The following CFAP61 variants were observed in gnomAD, a reference collection of about 807,000 sequenced individuals.
CFAP61 encodes cilia and flagella associated protein 61.
Under a neutral mutation model 135.6 loss-of-function variants are expected in CFAP61, and 107 were observed. The ratio of observed to expected loss-of-function variants is 0.79; its 90% confidence interval spans 0.67 to 0.93. The LOEUF (loss-of-function observed/expected upper bound fraction) is 0.93, where lower values mean the gene tolerates loss of function less well. Ranked by LOEUF, CFAP61 falls within the 40% of genes least tolerant of loss-of-function variation. The pLI, the probability that CFAP61 is intolerant of heterozygous loss-of-function variation, is 0.00. For missense variants in CFAP61, 1,507 were observed against 1,556.2 expected, an observed-to-expected ratio of 0.97 and a Z score of 0.53; for synonymous variants, 575 against 578.5, an observed-to-expected ratio of 0.99 and a Z score of 0.09.
At chr20:20,134,673 G>A (rs367728493) in intron 8 of CFAP61, among the ~76,000 whole-genome samples, 5 of 152,298 alleles carry the variant, frequency 3.3e-5, no homozygotes, top group African/African-American at 1.2e-4. Context: ...ATATTTTATT[G>A]GATATGGGGA....
chr20:20,338,524 A>G (rs1200946113), intron 25 of CFAP61, among the ~76,000 whole-genome samples: 2 of 152,200 alleles, frequency 1.3e-5, no homozygotes, highest in East Asian at 3.8e-4. Context: ...CCTGGTGCAT[A>G]GTTGAGCGCG....
chr20:20,196,965 T>C (rs576052043), intron 16 of CFAP61, among the ~76,000 whole-genome samples, 189 bp downstream of exon 16: 44 of 152,368 alleles, frequency 2.9e-4, no homozygotes, highest in African/African-American at 1.1e-3. Context: ...TTCGAATTTC[T>C]GACACAATCA....
intron 2 of CFAP61, among the ~76,000 whole-genome samples, chr20:20,061,996 G>A (rs1192093770): frequency 6.6e-6 from 1 of 152,162 alleles, no homozygotes; most frequent in East Asian, 1.9e-4. Context: ...TCGAGCCTTT[G>A]CTGGGAGCTT....
At chr20:20,054,044 GTATTATCCTTCTTAC>G (rs1555826099) in intron 1 of CFAP61, among the ~76,000 whole-genome samples, 1 of 93,688 alleles carries the variant, frequency 1.1e-5, no homozygotes, top group Non-Finnish European at 2.1e-5. Flanking sequence ...TAGGAAAAAT[GTATTATCCTTCTTAC>G]TTTTTGCCAT....
At chr20:20,307,925 C>T (rs2056577970) in intron 25 of CFAP61, among the ~76,000 whole-genome samples, 1 of 152,116 alleles carries the variant, frequency 6.6e-6, no homozygotes, top group South Asian at 2.1e-4. Flanking sequence ...CCCAAAGCAG[C>T]CAAATACATT....
intron 6 of CFAP61, among the ~76,000 whole-genome samples, chr20:20,085,729 G>T (rs982736428): frequency 5.9e-5 from 9 of 152,140 alleles, no homozygotes; most frequent in Non-Finnish European, 8.8e-5. Flanking sequence ...TAAATGATTA[G>T]GTTATTGAAT....
At chr20:20,350,764 T>C (rs1373562725) in intron 26 of CFAP61, among the ~76,000 whole-genome samples, 2 of 152,178 alleles carry the variant, frequency 1.3e-5, no homozygotes, top group East Asian at 3.8e-4. Flanking sequence ...AACATATCAA[T>C]GGATAAACAA....
chr20:20,343,919 T>A (rs558793912), intron 26 of CFAP61, among the ~76,000 whole-genome samples: 11 of 152,308 alleles, frequency 7.2e-5, no homozygotes, highest in African/African-American at 2.2e-4. Flanking sequence ...TGGACCCATT[T>A]ATGAACTCAG....
At chr20:20,349,244 G>A (rs1195309368) in intron 26 of CFAP61, among the ~76,000 whole-genome samples, 1 of 152,182 alleles carries the variant, frequency 6.6e-6, no homozygotes, top group East Asian at 1.9e-4. Flanking sequence ...ATAAAGAAAA[G>A]AGATTTGGCT....
intron 18 of CFAP61, among the ~76,000 whole-genome samples, chr20:20,242,091 G>A (rs901696720): frequency 6.6e-6 from 1 of 152,192 alleles, no homozygotes; most frequent in East Asian, 1.9e-4. Flanking sequence ...TTTCTGGCCT[G>A]CGCCATCACC....
At chr20:20,211,641 AC>A (rs1180281284) in intron 17 of CFAP61, among the ~76,000 whole-genome samples, 1 of 152,216 alleles carries the variant, frequency 6.6e-6, no homozygotes, top group Non-Finnish European at 1.5e-5. Context: ...GTCCGTCGAA[AC>A]CCATGGCAAT....
intron 13 of CFAP61, among the ~76,000 whole-genome samples, chr20:20,176,796 C>T (rs949842177): frequency 6.6e-6 from 1 of 152,034 alleles, no homozygotes; most frequent in Non-Finnish European, 1.5e-5. Flanking sequence ...GATGGGTTGA[C>T]AGGTGCAACA....
chr20:20,169,256 A>G, intron 12 of CFAP61, 65 bp from the exon 13 acceptor site: 1 of 1,458,232 alleles, frequency 6.9e-7, no homozygotes, highest in South Asian at 1.4e-5. Flanking sequence ...TGTTTTTTAG[A>G]GGAATTTGTT....
Position 20,191,119 on chromosome 20 carries a change from AAATAAT to A in CFAP61, c.1513-214_1513-209del, listed in dbSNP as rs781565505. Among the ~76,000 whole-genome samples, 107 of 152,186 alleles carry A rather than the reference AAATAAT, an allele frequency of 7.0e-4. 1 individual carries two copies. In the Middle Eastern group the frequency reaches 0.017, roughly 24 times the overall value. On this transcript the variant is annotated intron_variant, in intron 14 of 26. Coordinates refer to ENST00000245957, the MANE Select transcript of CFAP61 (RefSeq NM_015585.4). ...CAAGAGCAAAACTCCATCTCAAAAA[AAATAAT>A]AATAATAACAATAATAATAATAATA...
chr20:20,241,030 G>A (rs924316882), intron 18 of CFAP61, among the ~76,000 whole-genome samples: 2 of 152,184 alleles, frequency 1.3e-5, no homozygotes, highest in African/African-American at 4.8e-5. Flanking sequence ...CTATCAGCAC[G>A]AAACTGGTGA....
intron 6 of CFAP61, among the ~76,000 whole-genome samples, chr20:20,086,511 G>T (rs2046814006): frequency 6.6e-6 from 1 of 151,830 alleles, no homozygotes; most frequent in African/African-American, 2.4e-5. Context: ...CATTTTTTAT[G>T]GACTTTGCCG....
chr20:20,104,744 T>C (rs946945324), intron 8 of CFAP61, among the ~76,000 whole-genome samples: 3 of 152,196 alleles, frequency 2.0e-5, no homozygotes, highest in Non-Finnish European at 2.9e-5. Flanking sequence ...ATTGATTTTC[T>C]CACATTTGTG....
chr20:20,084,777 G>A (rs887990240), intron 6 of CFAP61, among the ~76,000 whole-genome samples: 6 of 152,156 alleles, frequency 3.9e-5, no homozygotes, highest in Non-Finnish European at 5.9e-5. Flanking sequence ...GAGAGCTACC[G>A]GCTCATTTCT....
rs929102629 is a variant in CFAP61 at position 20,118,248 on chromosome 20, G to A, written c.859+19434G>A. Among the ~76,000 whole-genome samples the A allele has an allele frequency of 6.4e-5, 8 of 124,638 alleles. No homozygotes were observed. In the East Asian group the frequency reaches 1.9e-3, roughly 29 times the overall value. 81.8% of individuals were successfully genotyped at this position (124,638 alleles called of 152,430 possible). On this transcript the variant is annotated intron_variant, in intron 8 of 26. Transcript: ENST00000245957. ...TCATATATGGTCTTCATTATTTTGA[G>A]GTATGTTTCTTTCTTTCTTTCTTTC...
Sources: gnomAD v4.1 joint callset for allele counts (sites outside exome capture counted in the v4.1 genomes callset) on GRCh38, gnomAD v4.1.1 for gene constraint, MANE v1.5 for transcripts, NCBI Gene and HGNC (gene_info 2026-07-23, HGNC 2026-07-21) for gene names.